The following ATRAID variants were observed in gnomAD, a reference collection of about 807,000 sequenced individuals.
ATRAID encodes all-trans retinoic acid-induced differentiation factor.
In ATRAID, 26 loss-of-function variants were observed where a neutral mutation model predicts 28.8. The ratio of observed to expected loss-of-function variants is 0.90; its 90% CI spans 0.66 to 1.25. ATRAID has a LOEUF of 1.25. Ranked by LOEUF, ATRAID falls within the 50% of genes most tolerant of loss-of-function variation. The probability of loss-of-function intolerance (pLI) is 0.00; values close to 1 mark genes in which losing one functional copy is unlikely to be tolerated. For synonymous variants in ATRAID, 131 were observed against 108.5 expected (o/e 1.21, Z -1.29); for missense variants, 308 against 285.9 (o/e 1.08, Z -0.56).
intron 2 of ATRAID, among the ~76,000 whole-genome samples, chr2:27,214,806 C>G (rs1254268655): frequency 1.3e-5 from 2 of 152,182 alleles, no homozygotes; most frequent in Non-Finnish European, 2.9e-5. Flanking sequence ...GAGCCGAGAT[C>G]GTGCCACTGC....
intron 2 of ATRAID, 68 bp downstream of exon 2, chr2:27,213,366 A>G (rs570281900): frequency 1.9e-6 from 3 of 1,541,102 alleles, no homozygotes; most frequent in Non-Finnish European, 1.8e-6. Context: ...TTATACCCTT[A>G]TATTATTTAA....
chr2:27,214,895 A>G (rs1396781738), intron 2 of ATRAID, among the ~76,000 whole-genome samples: 2 of 152,244 alleles, frequency 1.3e-5, no homozygotes, highest in African/African-American at 2.4e-5. Flanking sequence ...TACAGTAGCT[A>G]CTAACGTGGT....
At position 27,212,385 on chromosome 2, in the gene ATRAID, C is replaced by T. The variant is rs755297948; in HGVS notation, c.17C>T (p.Pro6Leu). Residue 6 changes from proline to leucine, a missense_variant, in exon 1 of 7, where the codon CCG becomes CTG. Physicochemically the swap from Pro to Leu is moderately conservative, Grantham distance 98. Transcript: ENST00000380171. MAPHD[P>L]GSLTTLVPWA... Reference sequence around the variant, plus strand: ...GAACGGAAAATGGCGCCTCACGACCCGGGTAGTCTTACGACCCTGGTGCCC... The same window carrying T: ...GAACGGAAAATGGCGCCTCACGACCTGGGTAGTCTTACGACCCTGGTGCCC... The T allele has an allele frequency of 3.2e-6, 5 of 1,550,682 alleles. No homozygotes were observed. The highest frequency in any genetic ancestry group is 2.4e-5 in the South Asian group (2 of 84,020).
chr2:27,215,890 C>T (rs1026464422), intron 5 of ATRAID, 137 bp downstream of exon 5: 29 of 1,182,556 alleles, frequency 2.5e-5, no homozygotes, highest in Admixed American at 5.0e-5. Flanking sequence ...AAGAAAAGAT[C>T]TTAAGATATA....
intron 1 of ATRAID, 91 bp from the exon 2 acceptor site, chr2:27,213,086 G>C (rs1674667357): frequency 6.6e-7 from 1 of 1,515,542 alleles, no homozygotes; most frequent in African/African-American, 1.4e-5. Flanking sequence ...AGGAATTCTG[G>C]AAACGTGTAC....
In ATRAID at chr2:27,212,759, C is replaced by T. The variant is rs1674640053; in HGVS notation, c.99+292C>T. 5.8e-6 allele frequency: 5 copies of T among 859,182 alleles called. No individual in the cohort carries two copies. The South Asian group carries it at 8.5e-5, about 15-fold the overall frequency. The allele number at this position is 859,182 out of a possible 1,614,324, so 53.2% of individuals were successfully genotyped here. A position where few individuals can be genotyped will look rare whatever the true frequency, so the allele number is the denominator to read the frequency against. On this transcript the variant is annotated intron_variant, in intron 1 of 6. Coordinates refer to ENST00000380171, the MANE Select transcript of ATRAID (RefSeq NM_001170795.4). ...GTCCTCTGCCTCTTGTGTAATCTCTCTACGCACGAACGCCATATATCGTGC... is the reference window on the plus strand; with the variant it reads ...GTCCTCTGCCTCTTGTGTAATCTCTTTACGCACGAACGCCATATATCGTGC...
In ATRAID at chr2:27,212,344, C is replaced by G; in HGVS notation, c.-25C>G. The G allele has an allele frequency of 6.5e-7, 1 of 1,549,590 alleles. No individual in the cohort carries two copies. The highest frequency in any genetic ancestry group is 8.7e-7 in the Non-Finnish European group (1 of 1,146,348). On this transcript the variant is annotated 5_prime_UTR_variant, in exon 1 of 7. Transcript: ENST00000380171. ...GGGCCGCGGGGCCGGGTCGCGCGAGCAGCGGAGCACCAAGGGAACGGAAAA... is the reference window on the plus strand; with the variant it reads ...GGGCCGCGGGGCCGGGTCGCGCGAGGAGCGGAGCACCAAGGGAACGGAAAA...
chr2:27,212,094 A>G lies in ATRAID; in HGVS notation c.-275A>G. ...TCCGGACGCGGGGAACACCGGGCTG[A>G]GGGAGTCTGCAGTCGGCTCCGGGAA... is the stretch of plus-strand genomic sequence containing the variant. On this transcript the variant is annotated 5_prime_UTR_variant, in exon 1 of 7. Coordinates refer to ENST00000380171, the MANE Select transcript of ATRAID (RefSeq NM_001170795.4). 7.1e-7 allele frequency: 1 copy of G among 1,411,552 alleles called. No homozygotes were observed. Among genetic ancestry groups the G allele is most frequent in the Admixed American group, 2.9e-5 (1 of 34,932 alleles). 87.4% of individuals were successfully genotyped at this position (1,411,552 alleles called of 1,614,324 possible). A position where few individuals can be genotyped will look rare whatever the true frequency, so the allele number is the denominator to read the frequency against.
At chr2:27,214,980 T>C (rs574139073) in intron 2 of ATRAID, among the ~76,000 whole-genome samples, 14 of 152,324 alleles carry the variant, frequency 9.2e-5, no homozygotes, top group Admixed American at 2.6e-4. Context: ...TTTTCTTCTA[T>C]AGAGTCAGGG....
chr2:27,216,777 CTAGG>C, intron 6 of ATRAID, 63 bp from the exon 7 acceptor site: 1 of 1,478,450 alleles, frequency 6.8e-7, no homozygotes, highest in African/African-American at 1.4e-5. Context: ...TAGGAAAGAA[CTAGG>C]TGTTAGGATG....
intron 2 of ATRAID, among the ~76,000 whole-genome samples, chr2:27,214,001 A>G (rs1264501648): frequency 6.6e-6 from 1 of 152,122 alleles, no homozygotes; most frequent in Non-Finnish European, 1.5e-5. Context: ...GCTGGAATGC[A>G]ATGGCATGAT....
Position 27,213,209 on chromosome 2 carries a change from T to C in ATRAID, c.132T>C (p.Asn44=). The change falls in exon 2 of 7, where the codon AAT becomes AAC. Residue 44 remains asparagine, a synonymous_variant. Transcript: ENST00000380171. The part of the protein sequence containing the change: ...ICTQCPGSVQ[N]LSKVAFYCKT... ...CCCAATGTCCAGGGAGCGTGCAAAA[T>C]TTGTCAAAAGTGGCCTTTTATTGTA... The C allele has an allele frequency of 1.2e-6, 2 of 1,614,066 alleles. No homozygotes were observed. Among genetic ancestry groups the C allele is most frequent in the East Asian group, 4.5e-5 (2 of 44,878 alleles).
chr2:27,215,311 A>G lies in ATRAID; in HGVS notation c.222-10A>G. ...AACACACAGTTATATTGATTACTTT[A>G]TTTCCTCAGGCTGGATCTCCAGAAC... is the stretch of plus-strand genomic sequence containing the variant. On this transcript the variant is annotated splice_polypyrimidine_tract_variant and intron_variant, in intron 2 of 6. Coordinates refer to ENST00000380171, the MANE Select transcript of ATRAID (RefSeq NM_001170795.4). The G allele has an allele frequency of 6.2e-7, 1 of 1,613,586 alleles. No homozygotes were observed. The highest frequency in any genetic ancestry group is 8.5e-7 in the Non-Finnish European group (1 of 1,179,528).
intron 2 of ATRAID, 134 bp from the exon 3 acceptor site, chr2:27,215,187 T>G (rs1366568082): frequency 1.2e-6 from 1 of 817,670 alleles, no homozygotes; most frequent in South Asian, 1.6e-5. Context: ...CTACCACAGC[T>G]CCTAGTGTGT....
rs1215992798 is a variant in ATRAID at position 27,212,323 on chromosome 2, C to T, written c.-46C>T. On this transcript the variant is annotated 5_prime_UTR_variant, in exon 1 of 7. Transcript: ENST00000380171. ...GGCCTGACGCGCTGCGGGGCGGGGC[C>T]GCGGGGCCGGGTCGCGCGAGCAGCG... is the stretch of plus-strand genomic sequence containing the variant. 1 of 1,549,314 alleles carries T rather than the reference C, an allele frequency of 6.5e-7. No individual in the cohort carries two copies. Among genetic ancestry groups the T allele is most frequent in the South Asian group, 1.2e-5 (1 of 84,004 alleles).
intron 2 of ATRAID, among the ~76,000 whole-genome samples, chr2:27,214,429 A>T (rs1226648699): frequency 6.6e-6 from 1 of 151,064 alleles, no homozygotes; most frequent in African/African-American, 2.4e-5. Flanking sequence ...TTTTTTTTTA[A>T]TTTAAAGGCC....
chr2:27,212,341 G>C lies in ATRAID; in HGVS notation c.-28G>C, dbSNP rs1252772497. 5 of 1,549,368 alleles carry C rather than the reference G, an allele frequency of 3.2e-6. No homozygotes were observed. The highest frequency in any genetic ancestry group is 2.0e-5 in the Admixed American group (1 of 50,910). On this transcript the variant is annotated 5_prime_UTR_variant, in exon 1 of 7. Coordinates refer to ENST00000380171, the MANE Select transcript of ATRAID (RefSeq NM_001170795.4). ...GCGGGGCCGCGGGGCCGGGTCGCGC[G>C]AGCAGCGGAGCACCAAGGGAACGGA...
Position 27,212,301 on chromosome 2 carries a change from C to T in ATRAID, c.-68C>T. 1 of 1,550,600 alleles carries T rather than the reference C, an allele frequency of 6.4e-7. No individual in the cohort carries two copies. The highest frequency in any genetic ancestry group is 1.2e-5 in the South Asian group (1 of 84,092). On this transcript the variant is annotated 5_prime_UTR_variant, in exon 1 of 7. Coordinates refer to ENST00000380171, the MANE Select transcript of ATRAID (RefSeq NM_001170795.4). ...TTAGGCCACGCCCGGGGAAGAGGGC[C>T]TGACGCGCTGCGGGGCGGGGCCGCG... is the stretch of plus-strand genomic sequence containing the variant.
chr2:27,215,236 G>A (rs1674775065), intron 2 of ATRAID, 85 bp from the exon 3 acceptor site: 1 of 1,325,324 alleles, frequency 7.5e-7, no homozygotes, highest in African/African-American at 1.5e-5. Flanking sequence ...TAGCTGAAAA[G>A]GGGGTTGTGT....
Sources: allele counts gnomAD v4.1 joint callset (sites outside exome capture counted in the v4.1 genomes callset), GRCh38; gene constraint gnomAD v4.1.1; transcripts MANE v1.5; gene names NCBI Gene and HGNC (gene_info 2026-07-23, HGNC 2026-07-21).